Variants in ZNF385B observed in about 807,000 individuals in gnomAD.
ZNF385B encodes zinc finger protein 533.
In ZNF385B, 23 loss-of-function variants were observed where a neutral mutation model predicts 39.2. The observed-to-expected ratio is 0.59, with a 90% confidence interval of 0.42 to 0.83. The LOEUF is 0.83. ZNF385B is among the 40% of genes least tolerant of loss of function. ZNF385B has a pLI of 0.00. For missense variants in ZNF385B, 552 were observed against 598.9 expected, an observed-to-expected ratio of 0.92 and a Z score of 0.82; for synonymous variants, 205 against 222.6, an observed-to-expected ratio of 0.92 and a Z score of 0.70.
In ZNF385B at chr2:179,810,357, TA is replaced by T. The variant is rs1706658284; in HGVS notation, c.-154-39686del. 3.9e-5 allele frequency among the ~76,000 whole-genome samples: 6 copies of T among 152,012 alleles called. No individual in the cohort carries two copies. The East Asian group carries it at 1.2e-3, about 29-fold the overall frequency. ...AAAATCTGAAATCTTAAAATGCATA[TA>T]AAAATAAACAAGAAAGTTTGTTGAT... is the stretch of plus-strand genomic sequence containing the variant. On this transcript the variant is annotated intron_variant, in intron 1 of 9. Transcript: ENST00000410066.
intron 6 of ZNF385B, among the ~76,000 whole-genome samples, chr2:179,467,165 A>G (rs971000601): frequency 6.6e-6 from 1 of 152,068 alleles, no homozygotes; most frequent in Non-Finnish European, 1.5e-5. Flanking sequence ...GTGGCCCAAG[A>G]GTGATTCTGA....
intron 5 of ZNF385B, among the ~76,000 whole-genome samples, chr2:179,507,495 A>C (rs918477990): frequency 1.3e-5 from 2 of 152,234 alleles, no homozygotes; most frequent in Non-Finnish European, 2.9e-5. Flanking sequence ...GGCATTAATC[A>C]AATGATAGCT....
chr2:179,663,782 A>G (rs1166343250), intron 3 of ZNF385B, among the ~76,000 whole-genome samples: 1 of 151,816 alleles, frequency 6.6e-6, no homozygotes, highest in African/African-American at 2.4e-5. Context: ...GCAGGAACAG[A>G]AGAAACTAAG....
At chr2:179,818,251 C>T (rs990688348) in intron 1 of ZNF385B, among the ~76,000 whole-genome samples, 2 of 152,052 alleles carry the variant, frequency 1.3e-5, no homozygotes, top group Admixed American at 6.6e-5. Context: ...TTTGCCTTTC[C>T]GACATAATGA....
At chr2:179,765,090 C>T (rs898179252) in intron 3 of ZNF385B, among the ~76,000 whole-genome samples, 1 of 152,144 alleles carries the variant, frequency 6.6e-6, no homozygotes, top group Non-Finnish European at 1.5e-5. Flanking sequence ...AAATTGGAGG[C>T]CTCCATAATT....
intron 3 of ZNF385B, among the ~76,000 whole-genome samples, chr2:179,580,009 A>C (rs887576854): frequency 5.9e-5 from 9 of 152,142 alleles, no homozygotes; most frequent in Non-Finnish European, 1.0e-4. Flanking sequence ...AATGTGGTTT[A>C]GAAATTTGAA....
chr2:179,559,029 G>A (rs1315864732), intron 3 of ZNF385B, among the ~76,000 whole-genome samples: 1 of 152,198 alleles, frequency 6.6e-6, no homozygotes, highest in Non-Finnish European at 1.5e-5. Context: ...AGAGCAGTGA[G>A]TTTGGCTTAG....
intron 3 of ZNF385B, among the ~76,000 whole-genome samples, chr2:179,746,748 T>C (rs550344684): frequency 6.6e-6 from 1 of 152,208 alleles, no homozygotes; most frequent in African/African-American, 2.4e-5. Context: ...GTTACTAAAA[T>C]ATAAGATGCA....
chr2:179,754,284 C>T (rs1419559026), intron 3 of ZNF385B, among the ~76,000 whole-genome samples: 1 of 152,108 alleles, frequency 6.6e-6, no homozygotes, highest in Non-Finnish European at 1.5e-5. Context: ...GGATGAAGCC[C>T]AGTTGATCAT....
chr2:179,755,483 T>C (rs1360274112), intron 3 of ZNF385B, among the ~76,000 whole-genome samples: 2 of 152,198 alleles, frequency 1.3e-5, no homozygotes, highest in Admixed American at 1.3e-4. Flanking sequence ...GTCCTGGATA[T>C]CCTTGTTAAC....
At chr2:179,802,305 T>C (rs996788401) in intron 1 of ZNF385B, among the ~76,000 whole-genome samples, 5 of 152,136 alleles carry the variant, frequency 3.3e-5, no homozygotes, top group African/African-American at 1.2e-4. Flanking sequence ...AAATCATCCA[T>C]TTAAAATGCT....
intron 1 of ZNF385B, among the ~76,000 whole-genome samples, chr2:179,810,336 T>C (rs1396853346): frequency 6.6e-6 from 1 of 151,836 alleles, no homozygotes; most frequent in Admixed American, 6.6e-5. Flanking sequence ...TGTGAGAAAA[T>C]CTGAAATCTT....
intron 3 of ZNF385B, among the ~76,000 whole-genome samples, chr2:179,580,181 C>G (rs2106029493): frequency 6.6e-6 from 1 of 151,820 alleles, no homozygotes; most frequent in Non-Finnish European, 1.5e-5. Context: ...ATAATGTAAG[C>G]AAGAAAAGTG....
Position 179,443,373 on chromosome 2 carries a change from C to A in ZNF385B, c.1338G>T (p.Leu446=). 12 of 1,612,102 alleles carry A rather than the reference C, an allele frequency of 7.4e-6. No individual in the cohort carries two copies. Among genetic ancestry groups the A allele is most frequent in the Non-Finnish European group, 1.0e-5 (12 of 1,179,300 alleles). Residue 446 remains leucine, a synonymous_variant, in exon 10 of 10, where the codon CTG becomes CTT. Transcript: ENST00000410066. ...LAAAAAVSSA[L]SLPPRPSASL... ...AGGCAGAGGGCCGGGGTGGGAGTGA[C>A]AGCGCTGAGGACACGGCTGCCGCCG...
At chr2:179,843,892 A>G (rs905377616) in intron 1 of ZNF385B, among the ~76,000 whole-genome samples, 4 of 152,228 alleles carry the variant, frequency 2.6e-5, no homozygotes, top group Non-Finnish European at 5.9e-5. Context: ...TTCTAATAAC[A>G]TGGAAAATTC....
chr2:179,442,348 T>C lies in ZNF385B; in HGVS notation c.*902A>G, dbSNP rs972250156. 8 of 152,684 alleles carry C rather than the reference T, an allele frequency of 5.2e-5. No individual in the cohort carries two copies. The highest frequency in any genetic ancestry group is 1.9e-4 in the African/African-American group (8 of 41,462). 9.5% of individuals were successfully genotyped at this position (152,684 alleles called of 1,614,324 possible). A position where few individuals can be genotyped will look rare whatever the true frequency, so the allele number is the denominator to read the frequency against. On this transcript the variant is annotated 3_prime_UTR_variant, in exon 10 of 10. Coordinates refer to ENST00000410066, the MANE Select transcript of ZNF385B (RefSeq NM_152520.6). ...GAAATACATGGATTCATTGTCTTCT[T>C]GCAGAATGCACAAGAGGTGCAAAAA...
At chr2:179,470,199 T>A (rs1350252069) in intron 6 of ZNF385B, among the ~76,000 whole-genome samples, 4 of 152,174 alleles carry the variant, frequency 2.6e-5, no homozygotes, top group Non-Finnish European at 2.9e-5. Flanking sequence ...AGAGACCACA[T>A]GTTGAAACTT....
intron 5 of ZNF385B, among the ~76,000 whole-genome samples, chr2:179,500,961 C>T (rs188116210): frequency 2.1e-3 from 318 of 152,262 alleles, no homozygotes; most frequent in African/African-American, 6.7e-3. Context: ...TAAAAGAAGA[C>T]TTACAAATGG....
intron 3 of ZNF385B, among the ~76,000 whole-genome samples, chr2:179,607,706 A>T (rs955364134): frequency 1.3e-5 from 2 of 152,088 alleles, no homozygotes; most frequent in African/African-American, 4.8e-5. Context: ...GTCAAGAAAG[A>T]CCAGTAACTC....
Sources: allele counts gnomAD v4.1 joint callset (sites outside exome capture counted in the v4.1 genomes callset), GRCh38; gene constraint gnomAD v4.1.1; transcripts MANE v1.5; gene names NCBI Gene and HGNC (gene_info 2026-07-23, HGNC 2026-07-21).